CES1: variants seen among roughly 807,000 people sequenced by gnomAD.
The protein encoded by CES1 is carboxylesterase 1, also known as liver carboxylesterase 1.
A neutral mutation model predicts 53.0 loss-of-function variants in CES1; 50 were observed. The ratio of observed to expected loss-of-function variants is 0.94; its 90% CI spans 0.75 to 1.19. The LOEUF (loss-of-function observed/expected upper bound fraction) is 1.19. Among genes scored for constraint, CES1 ranks in the 50% most tolerant of loss-of-function variants. The pLI is 0.00. For missense variants in CES1, 534 were observed against 538.0 expected (o/e 0.99, Z 0.07); for synonymous variants, 202 against 210.1 (o/e 0.96, Z 0.33).
chr16:55,823,491 G>C, intron 4 of CES1, 59 bp downstream of exon 4: 2 of 1,605,562 alleles, frequency 1.2e-6, no homozygotes, highest in Non-Finnish European at 8.5e-7. Flanking sequence ...GACAAGAGCT[G>C]GGTCCTAGCA....
intron 4 of CES1, 145 bp from the exon 5 acceptor site, chr16:55,821,666 C>G: frequency 1.1e-6 from 1 of 873,274 alleles, no homozygotes; most frequent in Non-Finnish European, 1.8e-6. Flanking sequence ...TTCATTAGTA[C>G]AGCATTGTGG....
chr16:55,832,442 C>G (rs1310485817), intron 1 of CES1, among the ~76,000 whole-genome samples: 1 of 152,092 alleles, frequency 6.6e-6, no homozygotes, highest in African/African-American at 2.4e-5. Flanking sequence ...TTCGTGCTTT[C>G]TACATACCAG....
intron 3 of CES1, among the ~76,000 whole-genome samples, 176 bp downstream of exon 3, chr16:55,825,975 C>T (rs753306900): frequency 9.9e-5 from 15 of 152,220 alleles, no homozygotes; most frequent in African/African-American, 1.9e-4. Flanking sequence ...GCCTATGTCA[C>T]GAGGGTAAAC....
At chr16:55,823,098 C>G (rs368232604) in intron 4 of CES1, among the ~76,000 whole-genome samples, 66 of 151,776 alleles carry the variant, frequency 4.3e-4, no homozygotes, top group East Asian at 1.2e-3. Flanking sequence ...CCATCTGCAG[C>G]CCCCATTCCT....
intron 2 of CES1, 147 bp downstream of exon 2, chr16:55,828,620 A>G: frequency 1.1e-6 from 1 of 935,656 alleles, no homozygotes; most frequent in Non-Finnish European, 1.7e-6. Flanking sequence ...GGACTCCAGA[A>G]TGCTGTGAGA....
At chr16:55,818,410 G>A (rs1335304428) in intron 7 of CES1, among the ~76,000 whole-genome samples, 4 of 152,184 alleles carry the variant, frequency 2.6e-5, no homozygotes, top group African/African-American at 7.2e-5. Flanking sequence ...ACTGTGACAT[G>A]GGGCAATTAC....
chr16:55,830,186 T>G (rs1372075831), intron 1 of CES1, among the ~76,000 whole-genome samples: 6 of 152,372 alleles, frequency 3.9e-5, no homozygotes, highest in African/African-American at 1.2e-4. Flanking sequence ...AAACCCATTA[T>G]GGAAAGCCCA....
intron 8 of CES1, among the ~76,000 whole-genome samples, chr16:55,816,554 C>T (rs1490356504): frequency 1.3e-5 from 2 of 152,208 alleles, no homozygotes; most frequent in Non-Finnish European, 1.5e-5. Context: ...ATTTAGGCTT[C>T]CCCTCTCCTT....
chr16:55,811,071 C>A (rs2031676788), intron 9 of CES1, 61 bp from the exon 10 acceptor site: 1 of 1,392,486 alleles, frequency 7.2e-7, no homozygotes, highest in African/African-American at 1.4e-5. Context: ...AAGAAACAAA[C>A]TGACCAACCA....
intron 2 of CES1, among the ~76,000 whole-genome samples, chr16:55,827,024 C>T (rs1274408973): frequency 1.3e-5 from 2 of 152,128 alleles, no homozygotes; most frequent in African/African-American, 4.8e-5. Context: ...GTTAGAGAAC[C>T]TGACCAAGGT....
At chr16:55,828,036 T>C (rs1222792531) in intron 2 of CES1, 1 of 152,598 alleles carries the variant, frequency 6.6e-6, no homozygotes, top group Middle Eastern at 3.2e-3. Context: ...CAGTAAACAT[T>C]ATTTTTTAAA....
intron 8 of CES1, among the ~76,000 whole-genome samples, chr16:55,813,258 G>A (rs1275711525): frequency 1.1e-4 from 16 of 152,298 alleles, no homozygotes; most frequent in East Asian, 3.9e-4. Flanking sequence ...ATGAGGAGAG[G>A]AAGAAATCTT....
At chr16:55,816,236 A>G (rs1307854695) in intron 8 of CES1, among the ~76,000 whole-genome samples, 2 of 152,234 alleles carry the variant, frequency 1.3e-5, no homozygotes, top group African/African-American at 4.8e-5. Context: ...GAAGGTCCCA[A>G]GAGGGTAGGG....
At chr16:55,810,111 G>C (rs1405517257) in intron 11 of CES1, among the ~76,000 whole-genome samples, 1 of 152,202 alleles carries the variant, frequency 6.6e-6, no homozygotes, top group African/African-American at 2.4e-5. Context: ...GTAGAAGCTG[G>C]TGAATAAATA....
intron 9 of CES1, among the ~76,000 whole-genome samples, chr16:55,811,882 C>G (rs2031714501): frequency 6.6e-6 from 1 of 152,330 alleles, no homozygotes; most frequent in Middle Eastern, 3.4e-3. Flanking sequence ...AAGAGTAGAG[C>G]CTGACTTCAG....
chr16:55,812,475 A>G (rs1158730035), intron 9 of CES1: 1 of 258,134 alleles, frequency 3.9e-6, no homozygotes, highest in Admixed American at 4.8e-5. Context: ...TTCTTTGGAT[A>G]TTTTCAATGA....
At chr16:55,819,943 G>A (rs1411767697) in intron 6 of CES1, 5 of 560,136 alleles carry the variant, frequency 8.9e-6, no homozygotes, top group African/African-American at 5.7e-5. Context: ...TAGAGAGCAT[G>A]GAATCCTGAA....
chr16:55,831,877 T>C (rs545367830), intron 1 of CES1, among the ~76,000 whole-genome samples: 13 of 150,690 alleles, frequency 8.6e-5, no homozygotes, highest in African/African-American at 2.9e-4. Flanking sequence ...TCAGTTTCTC[T>C]GTCTATAAAA....
intron 11 of CES1, among the ~76,000 whole-genome samples, chr16:55,809,093 C>CAAA (rs376932562): frequency 0.078 from 5,608 of 71,758 alleles, 858 homozygotes; most frequent in African/African-American, 0.22. Flanking sequence ...GTAGTCCTGG[C>CAAA]AAAAAAAAAA....
Sources: allele counts gnomAD v4.1 joint callset (sites outside exome capture counted in the v4.1 genomes callset), GRCh38; gene constraint gnomAD v4.1.1; transcripts MANE v1.5; gene names NCBI Gene and HGNC (gene_info 2026-07-23, HGNC 2026-07-21).